Variants in USHBP1 observed in about 807,000 individuals in gnomAD.
USHBP1 encodes the protein harmonin-binding protein USHBP1.
A neutral mutation model predicts 76.2 loss-of-function variants in USHBP1; 67 were observed. The observed-to-expected ratio is 0.88, with a 90% CI of 0.72 to 1.08. USHBP1 has a LOEUF of 1.08. USHBP1 is among the 50% of genes least tolerant of loss of function. The probability of loss-of-function intolerance (pLI) is 0.00; values close to 1 mark genes in which losing one functional copy is unlikely to be tolerated. For synonymous variants in USHBP1, 322 were observed against 362.2 expected (o/e 0.89, Z 1.26); for missense variants, 931 against 915.0 (o/e 1.02, Z -0.23).
At chr19:17,254,233 G>C (rs1364917962) in intron 10 of USHBP1, among the ~76,000 whole-genome samples, 1 of 151,848 alleles carries the variant, frequency 6.6e-6, no homozygotes, top group African/African-American at 2.4e-5. Flanking sequence ...TGTAGTCCCA[G>C]CTACTCGGCA....
chr19:17,251,710 G>A lies in USHBP1; in HGVS notation c.1800-6C>T, dbSNP rs371571705. 14 of 1,612,568 alleles carry A rather than the reference G, an allele frequency of 8.7e-6. No homozygotes were observed. Among genetic ancestry groups the A allele is most frequent in the African/African-American group, 4.0e-5 (3 of 74,906 alleles). The stretch of plus-strand genomic sequence containing the variant: ...GCTCCTGCAGGTCCAGTGTCCTGTT[G>A]CGAAGGAGAAGAGAGGGGGCTCACA... On this transcript the variant is annotated splice_polypyrimidine_tract_variant and splice_region_variant and intron_variant, in intron 11 of 12. Coordinates refer to ENST00000252597, the MANE Select transcript of USHBP1 (RefSeq NM_031941.4).
chr19:17,251,532 C>G (rs981691167), intron 12 of USHBP1, 50 bp downstream of exon 12: 1 of 1,608,218 alleles, frequency 6.2e-7, no homozygotes, highest in Non-Finnish European at 8.5e-7. Context: ...TTCTGATATC[C>G]TGGTGGGGGA....
At chr19:17,262,064 G>A (rs532986508) in intron 4 of USHBP1, among the ~76,000 whole-genome samples, 2 of 143,668 alleles carry the variant, frequency 1.4e-5, no homozygotes, top group East Asian at 2.1e-4. Context: ...GCATTGGCAC[G>A]ATCTCAGCTG....
At chr19:17,260,545 G>C (rs1267843048) in intron 4 of USHBP1, among the ~76,000 whole-genome samples, 1 of 152,114 alleles carries the variant, frequency 6.6e-6, no homozygotes, top group East Asian at 1.9e-4. Context: ...GACCAGGCTG[G>C]TCTTGAACTC....
chr19:17,250,602 G>A (rs1172862082), intron 12 of USHBP1, among the ~76,000 whole-genome samples, 188 bp from the exon 13 acceptor site: 1 of 152,198 alleles, frequency 6.6e-6, no homozygotes, highest in East Asian at 1.9e-4. Flanking sequence ...CCAGGCTGGA[G>A]TGCAATGGTA....
In USHBP1 at chr19:17,262,722, C is replaced by T. The variant is rs1439925877; in HGVS notation, c.472G>A (p.Gly158Ser). ...EFEGTSEGGA[G>S]SLGKQEGAGS... ...GCCCCTTCCTGCTTCCCAAGGGAAC[C>T]TGCTCCCCCTTCGCTTGTGCCTTCG... Residue 158 changes from glycine (G) to serine (S), a missense_variant, in exon 4 of 13, where the codon GGT becomes AGT. Coordinates refer to ENST00000252597, the MANE Select transcript of USHBP1 (RefSeq NM_031941.4). 4 of 1,614,130 alleles carry T rather than the reference C, an allele frequency of 2.5e-6. No individual in the cohort carries two copies. Among genetic ancestry groups the T allele is most frequent in the African/African-American group, 2.7e-5 (2 of 74,954 alleles).
intron 4 of USHBP1, among the ~76,000 whole-genome samples, chr19:17,262,294 T>C (rs1315542576): frequency 6.6e-6 from 1 of 151,718 alleles, no homozygotes; most frequent in African/African-American, 2.4e-5. Flanking sequence ...TGAGCCACTG[T>C]GCCTGGCCAA....
At chr19:17,254,164 A>C (rs2073588870) in intron 10 of USHBP1, among the ~76,000 whole-genome samples, 2 of 151,714 alleles carry the variant, frequency 1.3e-5, no homozygotes, top group South Asian at 4.2e-4. Flanking sequence ...TAACACAATG[A>C]AACCCCGTCT....
chr19:17,251,168 TG>T (rs35955361), intron 12 of USHBP1, among the ~76,000 whole-genome samples: 23,431 of 60,354 alleles, frequency 0.39, 2,685 homozygotes, highest in African/African-American at 0.46. Context: ...CCCAGCCTGT[TG>T]TTTTTTTTTT....
Position 17,258,379 on chromosome 19 carries a change from G to GA in USHBP1, c.1052_1053insT (p.Cys352LeufsTer2). The GA allele has an allele frequency of 2.5e-6, 4 of 1,613,258 alleles. No homozygotes were observed. The highest frequency in any genetic ancestry group is 3.4e-6 in the Non-Finnish European group (4 of 1,179,828). On this transcript the variant is annotated frameshift_variant, in exon 8 of 13. Coordinates refer to ENST00000252597, the MANE Select transcript of USHBP1 (RefSeq NM_031941.4). LOFTEE classifies it high-confidence loss of function. ...GCAGAACCCTGTATGCCTCTTCACA[G>GA]TGTTCACTGTGGGACACTGGTTCTG...
At position 17,262,597 on chromosome 19, in the gene USHBP1, G is replaced by A. The variant is rs774408730; in HGVS notation, c.597C>T (p.Ala199=). ...TCTCAGCTCGGATGGCCTCCAGGGA[G>A]GCCTGCGTGCGGACCAGCTCATCCT... The part of the protein sequence containing the change: ...SREDELVRTQ[A]SLEAIRAEKE... The change falls in exon 4 of 13, where the codon GCC becomes GCT. Residue 199 remains alanine, a synonymous_variant. Transcript: ENST00000252597. The A allele has an allele frequency of 1.2e-6, 2 of 1,612,878 alleles. No homozygotes were observed. The highest frequency in any genetic ancestry group is 3.3e-5 in the Admixed American group (2 of 59,980).
Position 17,262,569 on chromosome 19 carries a change from CCTT to C in USHBP1, c.622_624del (p.Lys208del). On this transcript the variant is annotated inframe_deletion, in exon 4 of 13. Transcript: ENST00000252597. ...CCACTCACCTCTTTCTGCAGCGTCT[CCTT>C]CTCAGCTCGGATGGCCTCCAGGGAG... The C allele has an allele frequency of 6.2e-7, 1 of 1,608,008 alleles. No individual in the cohort carries two copies.
At position 17,251,693 on chromosome 19, in the gene USHBP1, A is replaced by G; in HGVS notation, c.1811T>C (p.Leu604Pro). 1 of 1,613,394 alleles carries G rather than the reference A, an allele frequency of 6.2e-7. No homozygotes were observed. The change falls in exon 12 of 13, where the codon CTG becomes CCG. Residue 604 changes from leucine (L) to proline (P), a missense_variant. Coordinates refer to ENST00000252597, the MANE Select transcript of USHBP1 (RefSeq NM_031941.4). Reference sequence around the variant, plus strand: ...GCGCAGAGACTGCAGCTGCTCCTGCAGGTCCAGTGTCCTGTTGCGAAGGAG... The same window carrying G: ...GCGCAGAGACTGCAGCTGCTCCTGCGGGTCCAGTGTCCTGTTGCGAAGGAG... ...LAASLTRTLD[L>P]QEQLQSLRRE...
At chr19:17,258,938 A>G (rs12460292) in intron 7 of USHBP1, among the ~76,000 whole-genome samples, 40,085 of 151,276 alleles carry the variant, frequency 0.26, 6,732 homozygotes, top group African/African-American at 0.47. Context: ...GAGGCCCAGT[A>G]GGGGGGATCA....
At position 17,256,631 on chromosome 19, in the gene USHBP1, G is replaced by C; in HGVS notation, c.1310C>G (p.Ser437Cys). The change falls in exon 9 of 13, where the codon TCT (serine) becomes TGT (cysteine). Residue 437 changes from serine (S) to cysteine (C), a missense_variant. Physicochemically the swap from Ser to Cys is moderately radical, Grantham distance 112 (BLOSUM62 -1). Transcript: ENST00000252597. Reference protein sequence around the residue: ...SYVQRLQERRSLMKILSEPGP... With the variant: ...SYVQRLQERRCLMKILSEPGP... ...AGGCTCTGAGAGAATCTTCATTAGA[G>C]AACGGCGCTCCTGGAGACGCTGGAC... is the stretch of plus-strand genomic sequence containing the variant. 6.2e-7 allele frequency: 1 copy of C among 1,614,214 alleles called. No homozygotes were observed. Among genetic ancestry groups the C allele is most frequent in the Non-Finnish European group, 8.5e-7 (1 of 1,180,046 alleles).
At chr19:17,259,226 G>T in intron 7 of USHBP1, 63 bp downstream of exon 7, 1 of 1,538,958 alleles carries the variant, frequency 6.5e-7, no homozygotes, top group Non-Finnish European at 8.7e-7. Flanking sequence ...CTGTGGATTG[G>T]GGCCATCCTC....
intron 4 of USHBP1, among the ~76,000 whole-genome samples, chr19:17,261,365 T>C (rs1300808022): frequency 6.8e-6 from 1 of 146,304 alleles, no homozygotes; most frequent in Admixed American, 6.9e-5. Flanking sequence ...AGAAAGAGTT[T>C]TCTTCTGTCG....
At chr19:17,258,472 G>C (rs2073648598) in intron 7 of USHBP1, 87 bp from the exon 8 acceptor site, 2 of 1,460,764 alleles carry the variant, frequency 1.4e-6, no homozygotes, top group Non-Finnish European at 1.8e-6. Flanking sequence ...ACTTTGGGAG[G>C]CTGAGGCGGG....
intron 4 of USHBP1, among the ~76,000 whole-genome samples, chr19:17,260,237 TG>T (rs1401121380): frequency 2.0e-5 from 3 of 152,206 alleles, no homozygotes; most frequent in African/African-American, 7.2e-5. Flanking sequence ...GGCCCCACTC[TG>T]GGGAAAAATG....
Sources: gnomAD v4.1 joint callset for allele counts (sites outside exome capture counted in the v4.1 genomes callset) on GRCh38, gnomAD v4.1.1 for gene constraint, MANE v1.5 for transcripts, NCBI Gene and HGNC (gene_info 2026-07-23, HGNC 2026-07-21) for gene names.